The following ADAMTS17 variants were observed in gnomAD, a reference collection of about 807,000 sequenced individuals.
The protein encoded by ADAMTS17 is ADAM metallopeptidase with thrombospondin type 1 motif 17.
ADAMTS17 carries 113 observed loss-of-function variants against 141.5 expected under a neutral mutation model. That is an observed-to-expected ratio of 0.80 (90% CI 0.69 to 0.93). The LOEUF is 0.93. Ranked by LOEUF, ADAMTS17 falls within the 40% of genes least tolerant of loss-of-function variation. ADAMTS17 has a pLI of 0.00. For missense variants in ADAMTS17, 1,659 were observed against 1,517.9 expected, an observed-to-expected ratio of 1.09 and a Z score of -1.54; for synonymous variants, 768 against 630.6, an observed-to-expected ratio of 1.22 and a Z score of -3.27.
chr15:100,045,764 A>G (rs948352759), intron 18 of ADAMTS17, among the ~76,000 whole-genome samples: 2 of 152,178 alleles, frequency 1.3e-5, no homozygotes, highest in African/African-American at 2.4e-5. Context: ...GCTAGTCTCA[A>G]TGCAACTAGG....
At chr15:100,331,144 C>T in intron 2 of ADAMTS17, 90 bp from the exon 3 acceptor site, 1 of 1,536,964 alleles carries the variant, frequency 6.5e-7, no homozygotes, top group Non-Finnish European at 8.9e-7. Context: ...GACCACCTTG[C>T]TGTGATTTGG....
chr15:100,127,009 CTT>C (rs1203308027), intron 12 of ADAMTS17, among the ~76,000 whole-genome samples: 1 of 152,138 alleles, frequency 6.6e-6, no homozygotes, highest in Non-Finnish European at 1.5e-5. Flanking sequence ...GCAGAGATCT[CTT>C]GAGAAGACAT....
chr15:100,313,441 T>C (rs1003568992), intron 3 of ADAMTS17, among the ~76,000 whole-genome samples: 4 of 152,228 alleles, frequency 2.6e-5, no homozygotes, highest in Non-Finnish European at 4.4e-5. Context: ...CTCCATGATG[T>C]TGCAAAAGTG....
chr15:100,226,643 T>C (rs1285371571), intron 7 of ADAMTS17, among the ~76,000 whole-genome samples: 2 of 152,014 alleles, frequency 1.3e-5, no homozygotes, highest in African/African-American at 2.4e-5. Flanking sequence ...GAAAGGAGAG[T>C]GCAGGGGCTT....
rs2035428395 is a variant in ADAMTS17, at chr15:100,091,010, C to CCAAAAAAAAAAAA, written c.2137+5345_2137+5346insTTTTTTTTTTTTG. On this transcript the variant is annotated intron_variant, in intron 15 of 21. Coordinates refer to ENST00000268070, the MANE Select transcript of ADAMTS17 (RefSeq NM_139057.4). ...GAGGCAGAGTGAGACTCCGTCTCAA[C>CCAAAAAAAAAAAA]AAAAAAAAAAAAAAAAAAGGGTAAC... is the stretch of plus-strand genomic sequence containing the variant. Among the ~76,000 whole-genome samples the CCAAAAAAAAAAAA allele has an allele frequency of 7.3e-5, 4 of 54,594 alleles. No homozygotes were observed. The Admixed American group carries it at 8.5e-4, about 12-fold the overall frequency. The allele number at this position is 54,594 out of a possible 152,430, so 35.8% of individuals were successfully genotyped here.
At chr15:100,019,282 C>A (rs1302880077) in intron 18 of ADAMTS17, among the ~76,000 whole-genome samples, 2 of 152,086 alleles carry the variant, frequency 1.3e-5, no homozygotes, top group Admixed American at 1.3e-4. Context: ...GAGATGCATA[C>A]ATACCAACAG....
intron 18 of ADAMTS17, among the ~76,000 whole-genome samples, chr15:100,038,925 T>G (rs896383937): frequency 1.4e-4 from 21 of 152,234 alleles, no homozygotes; most frequent in African/African-American, 4.8e-5. Flanking sequence ...GTCTTTCACT[T>G]TAAGTATGGT....
In ADAMTS17 at chr15:99,997,439, C is replaced by T. The variant is rs1190812409; in HGVS notation, c.2742G>A (p.Gln914=). Residue 914 remains glutamine (Q), a synonymous_variant, in exon 19 of 22, where the codon CAG becomes CAA. Transcript: ENST00000268070. This position sits in a 1 kb window ranked among gnomAD's most constrained non-coding sequence, Gnocchi z 4.7. Reference sequence around the variant, plus strand: ...ACAGGCAGTCCTGGCCTTCACAGCTCTGCACTGCCGCCGGCCGGGGGCCCG... The same window carrying T: ...ACAGGCAGTCCTGGCCTTCACAGCTTTGCACTGCCGCCGGCCGGGGGCCCG... The part of the protein sequence containing the change: ...YCPGPRPAAV[Q]SCEGQDCLSI... The T allele has an allele frequency of 6.2e-7, 1 of 1,613,696 alleles. No individual in the cohort carries two copies. The highest frequency in any genetic ancestry group is 1.3e-5 in the African/African-American group (1 of 75,048).
At chr15:100,231,833 A>C (rs1443658031) in intron 7 of ADAMTS17, among the ~76,000 whole-genome samples, 2 of 152,160 alleles carry the variant, frequency 1.3e-5, no homozygotes, top group Non-Finnish European at 2.9e-5. Flanking sequence ...GTATTAGGTC[A>C]TCTTACCGTC....
At chr15:100,194,045 G>T (rs1596242221) in intron 8 of ADAMTS17, among the ~76,000 whole-genome samples, 1 of 152,212 alleles carries the variant, frequency 6.6e-6, no homozygotes, top group East Asian at 1.9e-4. Context: ...AAAGGCAGAG[G>T]TTTATTTTCT....
intron 7 of ADAMTS17, among the ~76,000 whole-genome samples, chr15:100,201,162 C>G (rs2041317175): frequency 6.6e-6 from 1 of 152,174 alleles, no homozygotes; most frequent in Non-Finnish European, 1.5e-5. Flanking sequence ...TGTGGTGTGG[C>G]TCTGTGTCCC....
chr15:100,226,334 C>T (rs1052317032), intron 7 of ADAMTS17, among the ~76,000 whole-genome samples: 19 of 152,362 alleles, frequency 1.2e-4, no homozygotes, highest in Middle Eastern at 3.4e-3. Context: ...ACATGAGTTA[C>T]GCCTCCAAAG....
intron 18 of ADAMTS17, among the ~76,000 whole-genome samples, chr15:100,040,097 G>T (rs1449814651): frequency 1.3e-5 from 2 of 152,180 alleles, no homozygotes; most frequent in African/African-American, 4.8e-5. Flanking sequence ...AAGGAGAAAA[G>T]AATCATTCTT....
intron 15 of ADAMTS17, among the ~76,000 whole-genome samples, chr15:100,057,688 G>C (rs28577153): frequency 0.071 from 10,862 of 152,104 alleles, 1,329 homozygotes; most frequent in African/African-American, 0.25. Flanking sequence ...CCAGGCACAG[G>C]CCCATCACCC....
intron 10 of ADAMTS17, among the ~76,000 whole-genome samples, chr15:100,133,861 C>T (rs2038185571): frequency 6.6e-6 from 1 of 151,922 alleles, no homozygotes; most frequent in South Asian, 2.1e-4. Context: ...TTCTGTTCTC[C>T]CTGCGGTCAC....
intron 8 of ADAMTS17, among the ~76,000 whole-genome samples, chr15:100,187,184 G>A (rs562077160): frequency 1.1e-4 from 16 of 152,230 alleles, no homozygotes; most frequent in East Asian, 3.9e-4. Context: ...CCATTGAGAC[G>A]GAGATAAGCA....
Position 100,025,788 on chromosome 15 carries a change from A to G in ADAMTS17, c.2591+23069T>C, listed in dbSNP as rs527895395. ...CCAATACACTTGATCTCAACTTTGT[A>G]GTAGTATTTAATTATAATTACTGTG... On this transcript the variant is annotated intron_variant, in intron 18 of 21. Transcript: ENST00000268070. Among the ~76,000 whole-genome samples the G allele has an allele frequency of 4.6e-5, 7 of 152,272 alleles. No homozygotes were observed. In the South Asian group the frequency reaches 1.0e-3, roughly 23 times the overall value.
At chr15:100,276,611 A>C (rs368304799) in intron 4 of ADAMTS17, among the ~76,000 whole-genome samples, 23 of 152,038 alleles carry the variant, frequency 1.5e-4, no homozygotes, top group African/African-American at 5.6e-4. Flanking sequence ...GTGGCAACCA[A>C]CTCTAGCAGA....
intron 18 of ADAMTS17, among the ~76,000 whole-genome samples, chr15:100,039,150 A>C (rs917252040): frequency 1.3e-5 from 2 of 152,116 alleles, no homozygotes; most frequent in African/African-American, 4.8e-5. Flanking sequence ...TTCTTGGCCA[A>C]TCTAGCTAAA....
Sources: gnomAD v4.1 joint callset for allele counts (sites outside exome capture counted in the v4.1 genomes callset) on GRCh38, gnomAD v4.1.1 for gene constraint, Gnocchi (gnomAD v3.1) non-coding constraint, MANE v1.5 for transcripts, NCBI Gene and HGNC (gene_info 2026-07-23, HGNC 2026-07-21) for gene names.